NOB1: variants seen among roughly 807,000 people sequenced by gnomAD.
NOB1 encodes the protein RNA-binding protein NOB1.
NOB1 carries 44 observed loss-of-function variants against 44.8 expected under a neutral mutation model. The ratio of observed to expected loss-of-function variants is 0.98; its 90% CI spans 0.77 to 1.26. The LOEUF (loss-of-function observed/expected upper bound fraction) is 1.26, where lower values mean the gene tolerates loss of function less well. Among genes scored for constraint, NOB1 ranks in the 50% most tolerant of loss-of-function variants. The probability of loss-of-function intolerance (pLI) is 0.00; values close to 1 mark genes in which losing one functional copy is unlikely to be tolerated. For missense variants in NOB1, 560 were observed against 544.8 expected, an observed-to-expected ratio of 1.03 and a Z score of -0.28; for synonymous variants, 238 against 218.7, an observed-to-expected ratio of 1.09 and a Z score of -0.78.
chr16:69,748,605 T>C (rs1257761378), intron 6 of NOB1: 10 of 531,458 alleles, frequency 1.9e-5, no homozygotes, highest in Non-Finnish European at 3.3e-5. Flanking sequence ...AATATACTCA[T>C]TGCTGGGCTG....
At chr16:69,754,461 A>C (rs2038507666) in intron 2 of NOB1, 133 bp downstream of exon 2, 3 of 1,263,776 alleles carry the variant, frequency 2.4e-6, no homozygotes, top group Non-Finnish European at 1.1e-6. Flanking sequence ...CTCTCCTACC[A>C]CAATCTCCTA....
In NOB1 at chr16:69,754,848, C is replaced by G; in HGVS notation, c.63G>C (p.Gln21His). The G allele has an allele frequency of 6.2e-7, 1 of 1,601,930 alleles. No homozygotes were observed. The highest frequency in any genetic ancestry group is 8.5e-7 in the Non-Finnish European group (1 of 1,175,214). The change falls in exon 1 of 9, where the codon CAG becomes CAC. Residue 21 changes from glutamine to histidine, a missense_variant and splice_region_variant. By Grantham distance (24) the Gln-to-His change is conservative (BLOSUM62 0). Transcript: ENST00000268802. ...TCGTCCCGGAGGGAGCTCCCCGTAC[C>G]TGCAGAGCCGCATGCCGCAGGAAAG... ...AGAFLRHAALQDIGKNIYTIR... is the reference protein window; with the variant it reads ...AGAFLRHAALHDIGKNIYTIR...
rs1052182555 is a variant in NOB1 at position 69,742,567 on chromosome 16, G to A, written c.1004C>T (p.Ala335Val). 3.1e-6 allele frequency: 5 copies of A among 1,614,028 alleles called. No individual in the cohort carries two copies. In the African/African-American group the frequency reaches 5.3e-5, roughly 17 times the overall value. Reference protein sequence around the residue: ...SLPTPKGGKYAINPHLTEDQR... With the variant: ...SLPTPKGGKYVINPHLTEDQR... ...ATCCTCGGTGAGATGGGGGTTGATG[G>A]CGTATTTGCCCCCTTTGGGAGTGGG... is the stretch of plus-strand genomic sequence containing the variant. The change falls in exon 9 of 9, where the codon GCC (alanine) becomes GTC (valine). Residue 335 changes from alanine (A) to valine (V), a missense_variant. Coordinates refer to ENST00000268802, the MANE Select transcript of NOB1 (RefSeq NM_014062.3).
chr16:69,753,294 A>G (rs2038498096), intron 2 of NOB1, among the ~76,000 whole-genome samples: 2 of 152,226 alleles, frequency 1.3e-5, no homozygotes, highest in East Asian at 3.8e-4. Context: ...TAATTGTAGT[A>G]GTCTATGAGG....
At chr16:69,748,873 T>C (rs2038456214) in intron 6 of NOB1, 45 bp downstream of exon 6, 12 of 1,493,270 alleles carry the variant, frequency 8.0e-6, no homozygotes, top group Non-Finnish European at 1.1e-5. Flanking sequence ...GTAGGACCAC[T>C]GCCGATGACG....
At position 69,744,972 on chromosome 16, in the gene NOB1, G is replaced by T. The variant is rs748801425; in HGVS notation, c.870C>A (p.Asn290Lys). The change falls in exon 8 of 9, where the codon AAC (asparagine) becomes AAA (lysine). Residue 290 changes from asparagine (N) to lysine (K), a missense_variant. Transcript: ENST00000268802. ...TCACGGACACTTTCTTCAGGGTCTT[G>T]TTCCCACAGTGTGAGCAGAACACTC... ...MSRVFCSHCGNKTLKKVSVTV... is the reference protein window; with the variant it reads ...MSRVFCSHCGKKTLKKVSVTV... 2.5e-6 allele frequency: 4 copies of T among 1,614,148 alleles called. No homozygotes were observed. The highest frequency in any genetic ancestry group is 1.7e-5 in the Admixed American group (1 of 60,002).
intron 7 of NOB1, among the ~76,000 whole-genome samples, 167 bp from the exon 8 acceptor site, chr16:69,745,184 C>T (rs542490434): frequency 1.3e-5 from 2 of 152,282 alleles, no homozygotes; most frequent in South Asian, 2.1e-4. Flanking sequence ...AAAGGGCTGC[C>T]GCATCCCTCT....
chr16:69,752,386 T>C lies in NOB1; in HGVS notation c.197-15A>G, dbSNP rs764490418. 18 of 1,605,960 alleles carry C rather than the reference T, an allele frequency of 1.1e-5. No homozygotes were observed. The highest frequency in any genetic ancestry group is 1.4e-5 in the Non-Finnish European group (17 of 1,173,234). On this transcript the variant is annotated splice_polypyrimidine_tract_variant and intron_variant, in intron 2 of 8. Transcript: ENST00000268802. ...AAACTCAGTCACTGTAAACAACAGA[T>C]TTACATCTTCAGTTAGAGGTAAAAA... is the stretch of plus-strand genomic sequence containing the variant.
chr16:69,744,320 AAAC>A lies in NOB1; in HGVS notation c.969+550_969+552del, dbSNP rs1041131085. ...GGGTGACAGAGTGAGACCCTGTCTC[AAAC>A]AACAAGAAAAACCCCAGGAATTGTT... On this transcript the variant is annotated intron_variant, in intron 8 of 8. Transcript: ENST00000268802. Among the ~76,000 whole-genome samples the A allele has an allele frequency of 8.5e-5, 13 of 152,354 alleles. No homozygotes were observed. The East Asian group carries it at 1.3e-3, about 16-fold the overall frequency.
At position 69,752,224 on chromosome 16, in the gene NOB1, C is replaced by G; in HGVS notation, c.327+17G>C. The G allele has an allele frequency of 6.2e-7, 1 of 1,606,904 alleles. No homozygotes were observed. The highest frequency in any genetic ancestry group is 8.5e-7 in the Non-Finnish European group (1 of 1,175,534). Reference sequence around the variant, plus strand: ...CCCATAATACAAAGCTTTTAAAAACCCATCCTCTTGATTTACCTTCTGTGG... The same window carrying G: ...CCCATAATACAAAGCTTTTAAAAACGCATCCTCTTGATTTACCTTCTGTGG... On this transcript the variant is annotated intron_variant, in intron 3 of 8. Coordinates refer to ENST00000268802, the MANE Select transcript of NOB1 (RefSeq NM_014062.3).
At chr16:69,751,788 G>A (rs772850548) in intron 3 of NOB1, among the ~76,000 whole-genome samples, 1 of 152,186 alleles carries the variant, frequency 6.6e-6, no homozygotes, top group Non-Finnish European at 1.5e-5. Flanking sequence ...GAGGCCGGGC[G>A]CACTGGCTCA....
intron 7 of NOB1, among the ~76,000 whole-genome samples, chr16:69,745,753 G>A (rs2038425556): frequency 6.6e-6 from 1 of 152,180 alleles, no homozygotes; most frequent in African/African-American, 2.4e-5. Context: ...AATTCCCAAT[G>A]GTCAAGACAA....
At chr16:69,744,612 C>G (rs1471563458) in intron 8 of NOB1, among the ~76,000 whole-genome samples, 3 of 152,102 alleles carry the variant, frequency 2.0e-5, no homozygotes, top group African/African-American at 7.2e-5. Context: ...TCAACTCCTG[C>G]ACAAATCTAA....
chr16:69,749,356 A>G lies in NOB1; in HGVS notation c.400-18T>C. On this transcript the variant is annotated intron_variant, in intron 4 of 8. Transcript: ENST00000268802. ...GGTTTAGGCTGAAATTAAAAGAAAC[A>G]ATTTTAAAACCTGAAAATTCATCTG... 6.3e-7 allele frequency: 1 copy of G among 1,579,066 alleles called. No homozygotes were observed. The highest frequency in any genetic ancestry group is 1.7e-4 in the Middle Eastern group (1 of 5,882).
intron 8 of NOB1, among the ~76,000 whole-genome samples, chr16:69,743,085 G>T (rs980720527): frequency 1.3e-5 from 2 of 152,124 alleles, no homozygotes; most frequent in Non-Finnish European, 2.9e-5. Flanking sequence ...GTGCCATAAA[G>T]TTTGACAGAC....
intron 7 of NOB1, among the ~76,000 whole-genome samples, chr16:69,746,355 C>T (rs527617073): frequency 6.6e-6 from 1 of 152,352 alleles, no homozygotes; most frequent in South Asian, 2.1e-4. Flanking sequence ...GTCCTCAGGC[C>T]ACACTCCACC....
At chr16:69,748,551 C>T (rs1205724461) in intron 6 of NOB1, among the ~76,000 whole-genome samples, 1 of 152,188 alleles carries the variant, frequency 6.6e-6, no homozygotes, top group Non-Finnish European at 1.5e-5. Context: ...CATGACCTGT[C>T]ATTAGCAAGC....
At chr16:69,749,510 A>G (rs1282510176) in intron 4 of NOB1, 49 bp downstream of exon 4, 4 of 1,564,278 alleles carry the variant, frequency 2.6e-6, no homozygotes, top group Admixed American at 3.5e-5. Context: ...GAGAGATGTG[A>G]CATGTTTCAG....
intron 2 of NOB1, among the ~76,000 whole-genome samples, chr16:69,753,695 C>T (rs1460844417): frequency 1.3e-5 from 2 of 152,230 alleles, no homozygotes; most frequent in African/African-American, 4.8e-5. Context: ...CTATCAGCCT[C>T]TAACCTCTAA....
Sources: gnomAD v4.1 joint callset for allele counts (sites outside exome capture counted in the v4.1 genomes callset) on GRCh38, gnomAD v4.1.1 for gene constraint, MANE v1.5 for transcripts, NCBI Gene and HGNC (gene_info 2026-07-23, HGNC 2026-07-21) for gene names.